Variants in FGGY observed in about 807,000 individuals in gnomAD.
The protein encoded by FGGY is FGGY carbohydrate kinase domain-containing protein.
In FGGY, 72 loss-of-function variants were observed where a neutral mutation model predicts 71.3. That is an observed-to-expected ratio of 1.01 (90% CI 0.84 to 1.23). FGGY has a LOEUF of 1.23. FGGY is among the 50% of genes most tolerant of loss of function. The pLI is 0.00. For synonymous variants in FGGY, 251 were observed against 250.3 expected, an observed-to-expected ratio of 1.00 and a Z score of -0.02; for missense variants, 668 against 682.3, an observed-to-expected ratio of 0.98 and a Z score of 0.23.
intron 1 of FGGY, among the ~76,000 whole-genome samples, chr1:59,319,463 G>A (rs1328252801): frequency 6.6e-6 from 1 of 152,094 alleles, no homozygotes; most frequent in African/African-American, 2.4e-5. Context: ...ATTCCAGAGT[G>A]GTAAGTTTTA....
At chr1:59,570,669 G>A (rs886574328) in intron 8 of FGGY, among the ~76,000 whole-genome samples, 4 of 152,142 alleles carry the variant, frequency 2.6e-5, no homozygotes, top group South Asian at 4.1e-4. Flanking sequence ...ACACCAGGAC[G>A]CAACAGGAAA....
chr1:59,744,996 C>T (rs1052557251), intron 14 of FGGY, among the ~76,000 whole-genome samples: 2 of 152,194 alleles, frequency 1.3e-5, no homozygotes, highest in African/African-American at 4.8e-5. Flanking sequence ...TTGCTTTGGA[C>T]CTGCATTCCA....
rs145403903 is a variant in FGGY at position 59,395,278 on chromosome 1, T to G, written c.554+16441T>G. 1.9e-3 allele frequency among the ~76,000 whole-genome samples: 281 copies of G among 151,702 alleles called. 1 individual carries two copies. The highest frequency in any genetic ancestry group is 6.6e-3 in the African/African-American group (273 of 41,366). ...AATCTGAGAAATCGACTGGGAAGAGTTTTTTTTCATACCATTATATTTTAA... is the reference window on the plus strand; with the variant it reads ...AATCTGAGAAATCGACTGGGAAGAGGTTTTTTTCATACCATTATATTTTAA... On this transcript the variant is annotated intron_variant, in intron 5 of 15. Coordinates refer to ENST00000303721, the MANE Select transcript of FGGY (RefSeq NM_018291.5).
rs1491446340 is a variant in FGGY at position 59,546,526 on chromosome 1, G to GATTATTATT, written c.800-7596_800-7595insTATTATTAT. Among the ~76,000 whole-genome samples the GATTATTATT allele has an allele frequency of 7.2e-3, 638 of 89,142 alleles. 4 individuals carry two copies. Among genetic ancestry groups the GATTATTATT allele is most frequent in the African/African-American group, 0.037 (598 of 16,158 alleles). 58.5% of individuals were successfully genotyped at this position (89,142 alleles called of 152,430 possible). A position where few individuals can be genotyped will look rare whatever the true frequency, so the allele number is the denominator to read the frequency against. On this transcript the variant is annotated intron_variant, in intron 7 of 15. Transcript: ENST00000303721. ...TGATGATGATGATGATGATGATGAT[G>GATTATTATT]ATGATGATGATTATTATTATTATTA...
At chr1:59,493,096 A>ACACACACACACACACACACACAC (rs1553245704) in intron 6 of FGGY, among the ~76,000 whole-genome samples, 1 of 143,024 alleles carries the variant, frequency 7.0e-6, no homozygotes, top group African/African-American at 2.6e-5. Context: ...TACCAAACAA[A>ACACACACACACACACACACACAC]ACACACACAC....
chr1:59,589,675 TC>T (rs200953617), intron 8 of FGGY, among the ~76,000 whole-genome samples: 2,009 of 152,178 alleles, frequency 0.013, 44 homozygotes, highest in Admixed American at 0.061. Flanking sequence ...AACAACCTGC[TC>T]CTGAATGACT....
chr1:59,651,979 C>T (rs1463432425), intron 11 of FGGY, among the ~76,000 whole-genome samples: 2 of 150,912 alleles, frequency 1.3e-5, no homozygotes, highest in Non-Finnish European at 3.0e-5. Context: ...ATTTGCTTGT[C>T]TGTAAAGTAT....
intron 13 of FGGY, among the ~76,000 whole-genome samples, chr1:59,668,991 CAAAAAAAA>C (rs33999903): frequency 8.1e-5 from 3 of 37,108 alleles, no homozygotes; most frequent in African/African-American, 2.6e-4. Flanking sequence ...AACTCCATCT[CAAAAAAAA>C]AAAAAAAAAA....
rs568370461 is a variant in FGGY at position 59,531,886 on chromosome 1, T to C, written c.799+19447T>C. Among the ~76,000 whole-genome samples, 13 of 152,352 alleles carry C rather than the reference T, an allele frequency of 8.5e-5. No individual in the cohort carries two copies. In the East Asian group the frequency reaches 1.7e-3, roughly 20 times the overall value. ...TTAAATTCAGATCATCTATCCCTACTTGAGCTAACTGCAAGAAGCAAGGTT... is the reference window on the plus strand; with the variant it reads ...TTAAATTCAGATCATCTATCCCTACCTGAGCTAACTGCAAGAAGCAAGGTT... On this transcript the variant is annotated intron_variant, in intron 7 of 15. Transcript: ENST00000303721.
At chr1:59,486,217 T>C (rs1221060530) in intron 6 of FGGY, among the ~76,000 whole-genome samples, 2 of 152,124 alleles carry the variant, frequency 1.3e-5, no homozygotes, top group African/African-American at 4.8e-5. Context: ...AGACAAGGCC[T>C]GAACACTTAA....
intron 11 of FGGY, among the ~76,000 whole-genome samples, chr1:59,652,782 T>G (rs1205076666): frequency 3.3e-5 from 5 of 152,172 alleles, no homozygotes; most frequent in Non-Finnish European, 7.3e-5. Flanking sequence ...CCAGCTTTGT[T>G]CCGTTGCTGG....
chr1:59,744,517 G>A (rs1243739270), intron 14 of FGGY, among the ~76,000 whole-genome samples: 2 of 152,040 alleles, frequency 1.3e-5, no homozygotes, highest in South Asian at 2.1e-4. Context: ...CACTGCGCCC[G>A]GCCCACCCAA....
In FGGY at chr1:59,643,755, A is replaced by G. The variant is rs536711240; in HGVS notation, c.1221+5380A>G. Among the ~76,000 whole-genome samples, 280 of 152,348 alleles carry G rather than the reference A, an allele frequency of 1.8e-3. 1 individual carries two copies. Among genetic ancestry groups the G allele is most frequent in the Middle Eastern group, 3.4e-3 (1 of 294 alleles). ...ACTCTATAGGAAAAACATTTTGAGG[A>G]TAGGAGCAATGGCTTATTTACTTTT... On this transcript the variant is annotated intron_variant, in intron 11 of 15. Coordinates refer to ENST00000303721, the MANE Select transcript of FGGY (RefSeq NM_018291.5).
chr1:59,531,890 G>C (rs1489533920), intron 7 of FGGY, among the ~76,000 whole-genome samples: 1 of 152,174 alleles, frequency 6.6e-6, no homozygotes, highest in African/African-American at 2.4e-5. Flanking sequence ...CCCTACTTGA[G>C]CTAACTGCAA....
chr1:59,588,498 T>G (rs1358651630), intron 8 of FGGY, among the ~76,000 whole-genome samples: 1 of 152,010 alleles, frequency 6.6e-6, no homozygotes, highest in African/African-American at 2.4e-5. Flanking sequence ...ATTGTCAGAT[T>G]CACCAAAGTC....
In FGGY at chr1:59,541,456, A is replaced by T. The variant is rs570600985; in HGVS notation, c.800-12668A>T. 2.6e-5 allele frequency among the ~76,000 whole-genome samples: 4 copies of T among 152,130 alleles called. No individual in the cohort carries two copies. In the East Asian group the frequency reaches 7.8e-4, roughly 30 times the overall value. ...GTACAGAGCTGGAAATCCTGGCAAG[A>T]TGGTAGCTGCTCCATCTTGTCTGGC... On this transcript the variant is annotated intron_variant, in intron 7 of 15. Coordinates refer to ENST00000303721, the MANE Select transcript of FGGY (RefSeq NM_018291.5).
chr1:59,350,218 A>G (rs141046301), intron 4 of FGGY, among the ~76,000 whole-genome samples: 190 of 152,276 alleles, frequency 1.2e-3, no homozygotes, highest in African/African-American at 4.5e-3. Context: ...ATGAACCAGC[A>G]ACTGTGATAG....
chr1:59,534,903 C>G (rs1383636048), intron 7 of FGGY, among the ~76,000 whole-genome samples: 1 of 151,984 alleles, frequency 6.6e-6, no homozygotes, highest in Non-Finnish European at 1.5e-5. Context: ...ACCATCGAGA[C>G]TAGGAAGAAA....
At chr1:59,701,256 T>A (rs1231612390) in intron 14 of FGGY, among the ~76,000 whole-genome samples, 8 of 152,160 alleles carry the variant, frequency 5.3e-5, no homozygotes, top group Admixed American at 5.2e-4. Flanking sequence ...AGAAGTGGAA[T>A]CCCAGCACAG....
Sources: allele counts gnomAD v4.1 joint callset (sites outside exome capture counted in the v4.1 genomes callset), GRCh38; gene constraint gnomAD v4.1.1; transcripts MANE v1.5; gene names NCBI Gene and HGNC (gene_info 2026-07-23, HGNC 2026-07-21).